Variants in ZC3H12B observed in about 807,000 individuals in gnomAD.
ZC3H12B encodes the protein zinc finger CCCH-type containing 12B.
A neutral mutation model predicts 43.9 loss-of-function variants in ZC3H12B; 7 were observed. The ratio of observed to expected loss-of-function variants is 0.16; its 90% CI spans 0.09 to 0.30. The LOEUF is 0.30. ZC3H12B is among the 10% of genes least tolerant of loss of function. ZC3H12B has a pLI of 1.00. For missense variants in ZC3H12B, 475 were observed against 670.2 expected, an observed-to-expected ratio of 0.71 and a Z score of 3.22; for synonymous variants, 222 against 241.7, an observed-to-expected ratio of 0.92 and a Z score of 0.76.
the ZC3H12B span, chrX:65,187,394 A>T: frequency 8.9e-6 from 1 of 111,785 alleles, no homozygotes; most frequent in Admixed American, 9.5e-5. Context: ...ATGCTTTAAA[A>T]TTCTAAACTA....
At chrX:65,236,165 CTGAT>C in the ZC3H12B span, among the ~76,000 whole-genome samples, 1 of 112,019 alleles carries the variant, frequency 8.9e-6, no homozygotes, top group Admixed American at 9.5e-5. Flanking sequence ...AGTTTTCACT[CTGAT>C]TGTGGGCTCT....
intron 3 of ZC3H12B, among the ~76,000 whole-genome samples, chrX:65,450,715 G>GTATACATATGTGTATATATGTATATATA (rs2067480058): frequency 2.1e-4 from 2 of 9,750 alleles, no homozygotes; most frequent in Non-Finnish European, 2.7e-4. Context: ...ATATGTATAT[G>GTATACATATGTGTATATATGTATATATA]TATACATATG....
chrX:65,266,766 G>A, the ZC3H12B span, among the ~76,000 whole-genome samples: 5 of 111,222 alleles, frequency 4.5e-5, no homozygotes, highest in African/African-American at 1.6e-4. Context: ...TACTTGACCA[G>A]TGCAAGGGTT....
intron 2 of ZC3H12B, among the ~76,000 whole-genome samples, chrX:65,396,009 T>C (rs1365175395): frequency 8.9e-6 from 1 of 112,048 alleles, no homozygotes; most frequent in Non-Finnish European, 1.9e-5. Context: ...TGGTAGGTTG[T>C]ATTTCTGTGG....
chrX:65,131,321 G>A, the ZC3H12B span, among the ~76,000 whole-genome samples: 1 of 111,367 alleles, frequency 9.0e-6, no homozygotes, highest in Non-Finnish European at 1.9e-5. Flanking sequence ...GGAAATATGG[G>A]GAAATGGAGT....
the ZC3H12B span, among the ~76,000 whole-genome samples, chrX:65,188,032 C>T: frequency 3.4e-3 from 383 of 111,403 alleles, 3 homozygotes; most frequent in African/African-American, 0.012. Context: ...ATTTTTAGCA[C>T]TCAGTAATAT....
the ZC3H12B span, among the ~76,000 whole-genome samples, chrX:65,219,498 G>T: frequency 9.0e-6 from 1 of 111,275 alleles, no homozygotes; most frequent in South Asian, 3.7e-4. Flanking sequence ...CACACATAGA[G>T]AATTGTGAAA....
At chrX:65,220,309 G>C in the ZC3H12B span, among the ~76,000 whole-genome samples, 1 of 111,383 alleles carries the variant, frequency 9.0e-6, no homozygotes, top group Non-Finnish European at 1.9e-5. Context: ...AACCCAAGGT[G>C]CTGAGACAGC....
the ZC3H12B span, among the ~76,000 whole-genome samples, chrX:65,281,345 A>T: frequency 4.6e-4 from 50 of 108,106 alleles, 1 homozygote; most frequent in South Asian, 8.2e-4. Flanking sequence ...AGCGATTCTC[A>T]TGCCTCAGTC....
the ZC3H12B span, among the ~76,000 whole-genome samples, chrX:65,349,905 C>A: frequency 8.9e-6 from 1 of 111,843 alleles, no homozygotes; most frequent in Non-Finnish European, 1.9e-5. Context: ...CATATGGATT[C>A]ACAATGAAAT....
chrX:65,067,251 A>T, the ZC3H12B span, among the ~76,000 whole-genome samples: 1 of 110,931 alleles, frequency 9.0e-6, no homozygotes, highest in African/African-American at 3.3e-5. Context: ...TTTGTGCTTG[A>T]AACCCAGGTT....
the ZC3H12B span, among the ~76,000 whole-genome samples, chrX:65,360,325 A>C: frequency 8.9e-6 from 1 of 112,573 alleles, no homozygotes; most frequent in Non-Finnish European, 1.9e-5. Flanking sequence ...TGTTATATGA[A>C]TTAAACTTCA....
At chrX:65,367,722 T>C (rs1207181005) in intron 1 of ZC3H12B, among the ~76,000 whole-genome samples, 5 of 111,619 alleles carry the variant, frequency 4.5e-5, no homozygotes, top group Non-Finnish European at 9.4e-5. Flanking sequence ...AATTTTTTTC[T>C]TTTGTTTTAT....
At chrX:65,502,666 C>T (rs1365494263) in exon 5 of ZC3H12B, 5 of 1,207,145 alleles carry the variant, frequency 4.1e-6, no homozygotes, top group Non-Finnish European at 5.6e-6. Context: ...AACAGTCAGT[C>T]CCCCACTTAG....
At chrX:65,164,066 A>G in the ZC3H12B span, among the ~76,000 whole-genome samples, 1 of 111,959 alleles carries the variant, frequency 8.9e-6, no homozygotes, top group Non-Finnish European at 1.9e-5. Flanking sequence ...ACTGAAAACC[A>G]CAGGTGTTGC....
the ZC3H12B span, among the ~76,000 whole-genome samples, chrX:65,117,013 T>G: frequency 8.9e-6 from 1 of 112,007 alleles, no homozygotes; most frequent in Non-Finnish European, 1.9e-5. Context: ...AGTGCCACAA[T>G]AAACATACAT....
At chrX:65,040,715 A>G in the ZC3H12B span, among the ~76,000 whole-genome samples, 1 of 111,064 alleles carries the variant, frequency 9.0e-6, no homozygotes, top group Non-Finnish European at 1.9e-5. Context: ...GAGTCAATGG[A>G]TTATATGTAA....
chrX:65,201,750 C>A, the ZC3H12B span, among the ~76,000 whole-genome samples: 63 of 106,686 alleles, frequency 5.9e-4, no homozygotes, highest in African/African-American at 1.8e-3. Flanking sequence ...GTCCCCGCCA[C>A]AAATCTCATC....
At chrX:65,269,601 G>A in the ZC3H12B span, among the ~76,000 whole-genome samples, 1 of 110,482 alleles carries the variant, frequency 9.1e-6, no homozygotes, top group South Asian at 3.9e-4. Context: ...CTGGCCACAA[G>A]CAAGCCTCCT....
Sources: gnomAD v4.1 joint callset for allele counts (sites outside exome capture counted in the v4.1 genomes callset) on GRCh38, gnomAD v4.1.1 for gene constraint, MANE v1.5 for transcripts, NCBI Gene and HGNC (gene_info 2026-07-23, HGNC 2026-07-21) for gene names.